Variants in MAGI2 observed in about 807,000 individuals in gnomAD.
MAGI2 encodes membrane associated guanylate kinase, WW and PDZ domain containing 2, also known as membrane-associated guanylate kinase, WW and PDZ domain-containing protein 2.
Under a neutral mutation model 133.3 loss-of-function variants are expected in MAGI2, and 35 were observed. The ratio of observed to expected loss-of-function variants is 0.26; its 90% CI spans 0.20 to 0.35. MAGI2 has a LOEUF of 0.35. Among genes scored for constraint, MAGI2 ranks in the 10% least tolerant of loss-of-function variants. The pLI, the probability that MAGI2 is intolerant of heterozygous loss-of-function variation, is 1.00. For missense variants in MAGI2, 1,636 were observed against 1,863.4 expected, an observed-to-expected ratio of 0.88 and a Z score of 2.25; for synonymous variants, 729 against 710.6, an observed-to-expected ratio of 1.03 and a Z score of -0.41.
At chr7:78,216,819 T>G (rs1450010937) in intron 10 of MAGI2, among the ~76,000 whole-genome samples, 1 of 152,218 alleles carries the variant, frequency 6.6e-6, no homozygotes, top group Non-Finnish European at 1.5e-5. Context: ...TCTTTGGGTC[T>G]AAATAATAGA....
chr7:78,950,292 CA>C (rs1174308110), intron 2 of MAGI2, among the ~76,000 whole-genome samples: 1 of 152,084 alleles, frequency 6.6e-6, no homozygotes, highest in African/African-American at 2.4e-5. Flanking sequence ...CCTATGATTG[CA>C]AAAATTTTCT....
intron 2 of MAGI2, among the ~76,000 whole-genome samples, chr7:78,821,876 A>G (rs1316011914): frequency 6.6e-6 from 1 of 152,060 alleles, no homozygotes; most frequent in Non-Finnish European, 1.5e-5. Flanking sequence ...CATAAAAGAA[A>G]GGCAAAGAAA....
At chr7:79,261,820 G>T (rs1563057120) in intron 1 of MAGI2, among the ~76,000 whole-genome samples, 1 of 152,082 alleles carries the variant, frequency 6.6e-6, no homozygotes, top group Non-Finnish European at 1.5e-5. Context: ...ATCAATACCT[G>T]CACCATTTAT....
intron 1 of MAGI2, among the ~76,000 whole-genome samples, chr7:79,267,514 G>A (rs541142812): frequency 7.9e-5 from 12 of 152,294 alleles, no homozygotes; most frequent in Non-Finnish European, 1.5e-4. Context: ...TGCCTTATGT[G>A]GTTAGCCATG....
chr7:79,138,147 G>A (rs1026044663), intron 1 of MAGI2, among the ~76,000 whole-genome samples: 7 of 152,084 alleles, frequency 4.6e-5, no homozygotes, highest in East Asian at 1.9e-4. Flanking sequence ...ACTCATTTCC[G>A]ACTTCTGACC....
At chr7:78,848,663 T>C in intron 2 of MAGI2, among the ~76,000 whole-genome samples, 1 of 151,986 alleles carries the variant, frequency 6.6e-6, no homozygotes, top group East Asian at 1.9e-4. Flanking sequence ...TTTCTCTCCA[T>C]TCTGTCAACC....
intron 21 of MAGI2, among the ~76,000 whole-genome samples, chr7:78,033,159 A>T (rs190630045): frequency 2.0e-5 from 3 of 152,224 alleles, no homozygotes; most frequent in African/African-American, 7.2e-5. Context: ...AAGGGGTTGG[A>T]TTCAGGATAT....
chr7:79,399,177 C>G (rs1845296194), intron 1 of MAGI2, among the ~76,000 whole-genome samples: 1 of 147,244 alleles, frequency 6.8e-6, no homozygotes, highest in Non-Finnish European at 1.5e-5. Flanking sequence ...TCACTGCAAA[C>G]TCTGCCTCCC....
intron 6 of MAGI2, among the ~76,000 whole-genome samples, chr7:78,443,900 T>A (rs1225504612): frequency 6.6e-6 from 1 of 152,062 alleles, no homozygotes; most frequent in Non-Finnish European, 1.5e-5. Flanking sequence ...TCTTAGGAAG[T>A]AATATATATA....
intron 5 of MAGI2, 93 bp downstream of exon 5, chr7:78,501,480 TTTTC>T: frequency 9.0e-7 from 1 of 1,106,384 alleles, no homozygotes; most frequent in Non-Finnish European, 1.3e-6. Context: ...TTTCATGTTT[TTTTC>T]TTTTTTTTTT....
intron 2 of MAGI2, among the ~76,000 whole-genome samples, chr7:78,647,825 G>T (rs901730635): frequency 1.3e-5 from 2 of 152,140 alleles, no homozygotes; most frequent in African/African-American, 4.8e-5. Context: ...CATAAAAAAG[G>T]ATGAGTTCAT....
In MAGI2 at chr7:78,220,176, C is replaced by G. The variant is rs929095685; in HGVS notation, c.2048-18983G>C. Among the ~76,000 whole-genome samples the G allele has an allele frequency of 2.6e-5, 4 of 152,198 alleles. No homozygotes were observed. The East Asian group carries it at 7.7e-4, about 29-fold the overall frequency. ...TCAGAACACCTGGGCTGTGTGACAA[C>G]TCTATCTTTGCCCTGCTGGGCCCAT... is the stretch of plus-strand genomic sequence containing the variant. On this transcript the variant is annotated intron_variant, in intron 10 of 21. Transcript: ENST00000354212.
intron 2 of MAGI2, among the ~76,000 whole-genome samples, chr7:78,903,812 C>T (rs1235403961): frequency 1.3e-5 from 2 of 152,084 alleles, no homozygotes; most frequent in Non-Finnish European, 2.9e-5. Flanking sequence ...GACTGAACAA[C>T]TTGAGATATT....
chr7:78,627,599 C>A (rs889510511), intron 2 of MAGI2, among the ~76,000 whole-genome samples: 1 of 152,096 alleles, frequency 6.6e-6, no homozygotes. Context: ...CATGAATGAA[C>A]CTCTATTGTC....
intron 9 of MAGI2, among the ~76,000 whole-genome samples, chr7:78,315,895 A>G (rs1319539655): frequency 6.6e-6 from 1 of 152,112 alleles, no homozygotes; most frequent in Non-Finnish European, 1.5e-5. Flanking sequence ...CTTTCTCAGT[A>G]TTGATTTGCT....
intron 2 of MAGI2, among the ~76,000 whole-genome samples, chr7:78,874,582 A>T (rs1342992344): frequency 6.6e-6 from 1 of 152,184 alleles, no homozygotes; most frequent in African/African-American, 2.4e-5. Context: ...AATCCAAAAA[A>T]GTTGATCTCA....
intron 1 of MAGI2, among the ~76,000 whole-genome samples, chr7:79,428,549 T>C (rs1847555572): frequency 6.6e-6 from 1 of 152,166 alleles, no homozygotes; most frequent in Non-Finnish European, 1.5e-5. Context: ...TCTGTCTTTA[T>C]AGTTGGAAAG....
chr7:79,019,808 G>A (rs532327376), intron 1 of MAGI2, among the ~76,000 whole-genome samples: 1 of 152,116 alleles, frequency 6.6e-6, no homozygotes, highest in African/African-American at 2.4e-5. Flanking sequence ...TCCTCCCAAA[G>A]TTTTGGGATT....
intron 6 of MAGI2, among the ~76,000 whole-genome samples, chr7:78,476,275 C>G (rs10241812): frequency 0.08 from 12,178 of 151,814 alleles, 764 homozygotes; most frequent in African/African-American, 0.18. Flanking sequence ...AACCACTGGG[C>G]TGGGGTTGAG....
Sources: gnomAD v4.1 joint callset for allele counts (sites outside exome capture counted in the v4.1 genomes callset) on GRCh38, gnomAD v4.1.1 for gene constraint, MANE v1.5 for transcripts, NCBI Gene and HGNC (gene_info 2026-07-23, HGNC 2026-07-21) for gene names.